Variants in CLIC5 observed in about 807,000 individuals in gnomAD.
The protein encoded by CLIC5 is CLIC family member 5.
Under a neutral mutation model 24.7 loss-of-function variants are expected in CLIC5, and 20 were observed. The observed-to-expected ratio is 0.81, with a 90% CI of 0.57 to 1.18. The LOEUF is 1.18. Ranked by LOEUF, CLIC5 falls within the 50% of genes most tolerant of loss-of-function variation. The probability of loss-of-function intolerance (pLI) is 0.00; values close to 1 mark genes in which losing one functional copy is unlikely to be tolerated. For synonymous variants in CLIC5, 159 were observed against 135.6 expected (o/e 1.17, Z -1.20); for missense variants, 341 against 326.1 (o/e 1.05, Z -0.35).
At chr6:45,940,002 T>C (rs1295286640) in intron 4 of CLIC5, among the ~76,000 whole-genome samples, 3 of 152,166 alleles carry the variant, frequency 2.0e-5, no homozygotes, top group Non-Finnish European at 2.9e-5. Flanking sequence ...TTCTAGTTTC[T>C]TGACACACAC....
intron 1 of CLIC5, among the ~76,000 whole-genome samples, chr6:46,004,115 G>T (rs1007518192): frequency 5.9e-5 from 9 of 152,224 alleles, no homozygotes; most frequent in Non-Finnish European, 8.8e-5. Flanking sequence ...AGTTGAAGTT[G>T]ATCTAGCAGA....
intron 1 of CLIC5, among the ~76,000 whole-genome samples, chr6:46,063,647 G>C (rs149972148): frequency 6.6e-6 from 1 of 152,160 alleles, no homozygotes; most frequent in African/African-American, 2.4e-5. Flanking sequence ...AAACTATCAA[G>C]TATGGGGAAA....
chr6:46,061,404 G>A (rs1762276693), intron 1 of CLIC5, among the ~76,000 whole-genome samples: 1 of 152,196 alleles, frequency 6.6e-6, no homozygotes, highest in Admixed American at 6.5e-5. Flanking sequence ...TGTTGGCCAG[G>A]ATGGTCTCGA....
rs1468349080 is a variant in CLIC5, at chr6:45,997,271, G to A, written c.63+18209C>T. ...TCGCAAGAACAAAAAACCAAACACC[G>A]CATATTCTCACTCATAGGTGGGAAT... On this transcript the variant is annotated intron_variant, in intron 1 of 5. Coordinates refer to ENST00000339561, the MANE Select transcript of CLIC5 (RefSeq NM_016929.5). 2.8e-3 allele frequency among the ~76,000 whole-genome samples: 417 copies of A among 147,858 alleles called. 1 individual carries two copies. The highest frequency in any genetic ancestry group is 4.6e-3 in the Non-Finnish European group (312 of 67,336).
At chr6:46,105,317 AT>A in the CLIC5 span, among the ~76,000 whole-genome samples, 41 of 152,194 alleles carry the variant, frequency 2.7e-4, no homozygotes, top group East Asian at 6.2e-3. Context: ...ATTTAAAAGG[AT>A]TTTTTTGAAA....
chr6:46,116,865 G>C, the CLIC5 span, among the ~76,000 whole-genome samples: 1 of 152,156 alleles, frequency 6.6e-6, no homozygotes, highest in South Asian at 2.1e-4. Flanking sequence ...ATCCACTGCA[G>C]GGCTCAGTCC....
At chr6:46,105,935 G>A in the CLIC5 span, among the ~76,000 whole-genome samples, 1 of 152,194 alleles carries the variant, frequency 6.6e-6, no homozygotes, top group Non-Finnish European at 1.5e-5. Context: ...TTGAACACTT[G>A]GAGTCTATGA....
Position 45,971,297 on chromosome 6 carries a change from G to A in CLIC5, c.64-16053C>T, listed in dbSNP as rs923699718. Among the ~76,000 whole-genome samples, 10 of 152,288 alleles carry A rather than the reference G, an allele frequency of 6.6e-5. 1 individual carries two copies. Among genetic ancestry groups the A allele is most frequent in the East Asian group, 5.8e-4 (3 of 5,182 alleles). On this transcript the variant is annotated intron_variant, in intron 1 of 5. Transcript: ENST00000339561. ...GTCTAGAGTAGAAGTATATGTAATC[G>A]TTGACAATCAACAAAGCATATCACT...
At chr6:45,939,742 G>A (rs575197181) in intron 4 of CLIC5, among the ~76,000 whole-genome samples, 399 of 152,014 alleles carry the variant, frequency 2.6e-3, no homozygotes, top group African/African-American at 9.2e-3. Context: ...CCAGGTTCAA[G>A]CAATCCTCTT....
chr6:46,007,926 T>TC lies in CLIC5; in HGVS notation c.63+7553_63+7554insG, dbSNP rs1447796477. Reference sequence around the variant, plus strand: ...TTTTTTTTCTTTTTCTTTTTTTTTTTTTCCCGATTTTCATTTGCACAAATT... The same window carrying TC: ...TTTTTTTTCTTTTTCTTTTTTTTTTTCTTCCCGATTTTCATTTGCACAAATT... On this transcript the variant is annotated intron_variant, in intron 1 of 5. Coordinates refer to ENST00000339561, the MANE Select transcript of CLIC5 (RefSeq NM_016929.5). Among the ~76,000 whole-genome samples the TC allele has an allele frequency of 4.0e-5, 6 of 151,634 alleles. 1 individual carries two copies. Among genetic ancestry groups the TC allele is most frequent in the African/African-American group, 7.2e-5 (3 of 41,456 alleles).
intron 1 of CLIC5, among the ~76,000 whole-genome samples, chr6:45,969,544 TAG>T (rs2127402199): frequency 6.9e-6 from 1 of 145,114 alleles, no homozygotes; most frequent in South Asian, 2.2e-4. Flanking sequence ...AGACGATCGG[TAG>T]GGATGGAGTT....
intron 1 of CLIC5, among the ~76,000 whole-genome samples, chr6:46,058,075 A>ATGTGTG (rs138296904): frequency 1.3e-5 from 1 of 78,330 alleles, no homozygotes; most frequent in South Asian, 5.5e-4. Context: ...ACCATTGTGT[A>ATGTGTG]TGTGTGTGTG....
At chr6:46,060,237 T>C (rs9472680) in intron 1 of CLIC5, among the ~76,000 whole-genome samples, 3,113 of 152,264 alleles carry the variant, frequency 0.02, 114 homozygotes, top group African/African-American at 0.07. Flanking sequence ...TAAGAAGAGC[T>C]GAGGCATCCA....
chr6:45,963,806 T>C (rs936277669), intron 1 of CLIC5, among the ~76,000 whole-genome samples: 1 of 152,212 alleles, frequency 6.6e-6, no homozygotes, highest in Non-Finnish European at 1.5e-5. Flanking sequence ...CTCATTTCAA[T>C]TAAATATCTT....
At chr6:45,903,317 T>A in intron 5 of CLIC5, 62 bp from the exon 6 acceptor site, 10 of 1,474,652 alleles carry the variant, frequency 6.8e-6, no homozygotes, top group Non-Finnish European at 9.1e-6. Context: ...TTAGAAAGTG[T>A]TAGTGGCCGT....
chr6:46,029,558 G>T (rs1257339948), intron 1 of CLIC5, among the ~76,000 whole-genome samples: 4 of 152,088 alleles, frequency 2.6e-5, no homozygotes, highest in Admixed American at 1.3e-4. Flanking sequence ...CTAAAACCTG[G>T]CTGTGGGTCA....
chr6:45,978,437 G>A (rs954657567), intron 1 of CLIC5, among the ~76,000 whole-genome samples: 1 of 152,162 alleles, frequency 6.6e-6, no homozygotes, highest in Non-Finnish European at 1.5e-5. Context: ...TTCAGTGAAG[G>A]TCTATGGGGA....
intron 1 of CLIC5, among the ~76,000 whole-genome samples, chr6:45,988,621 C>T (rs1765822450): frequency 6.6e-6 from 1 of 152,218 alleles, no homozygotes; most frequent in Non-Finnish European, 1.5e-5. Context: ...GAGATTCATG[C>T]CACGCTTAAC....
In CLIC5 at chr6:45,902,864, G is replaced by A; in HGVS notation, c.*224C>T. 1 of 554,944 alleles carries A rather than the reference G, an allele frequency of 1.8e-6. No individual in the cohort carries two copies. The highest frequency in any genetic ancestry group is 2.2e-5 in the South Asian group (1 of 45,308). The allele number at this position is 554,944 out of a possible 1,614,324, so 34.4% of individuals were successfully genotyped here. The stretch of plus-strand genomic sequence containing the variant: ...CCAGATCAGGCTGGCCGGCCGAAAG[G>A]TGGACTGTGTCTATCATTTCTGCTA... On this transcript the variant is annotated 3_prime_UTR_variant, in exon 6 of 6. Transcript: ENST00000339561.
Sources: gnomAD v4.1 joint callset for allele counts (sites outside exome capture counted in the v4.1 genomes callset) on GRCh38, gnomAD v4.1.1 for gene constraint, MANE v1.5 for transcripts, NCBI Gene and HGNC (gene_info 2026-07-23, HGNC 2026-07-21) for gene names.